Variants in ACD observed in about 807,000 individuals in gnomAD.
The protein encoded by ACD is adrenocortical dysplasia protein homolog.
Under a neutral mutation model 53.9 loss-of-function variants are expected in ACD, and 39 were observed. That is an observed-to-expected ratio of 0.72 (90% CI 0.56 to 0.95). The LOEUF (loss-of-function observed/expected upper bound fraction) is 0.95, where lower values mean the gene tolerates loss of function less well. Among genes scored for constraint, ACD ranks in the 40% least tolerant of loss-of-function variants. ACD has a pLI of 0.00. For missense variants in ACD, 526 were observed against 587.9 expected (o/e 0.89, Z 1.09); for synonymous variants, 273 against 249.2 (o/e 1.10, Z -0.90).
At position 67,660,150 on chromosome 16, in the gene ACD, G is replaced by A. The variant is rs771660128; in HGVS notation, c.71C>T (p.Ser24Phe). The A allele has an allele frequency of 2.5e-6, 4 of 1,612,584 alleles. No individual in the cohort carries two copies. In the African/African-American group the frequency reaches 5.3e-5, roughly 21 times the overall value. Residue 24 changes from serine (S) to phenylalanine (F), a missense_variant, in exon 1 of 12, where the codon TCC becomes TTC. Coordinates refer to ENST00000620761, the MANE Select transcript of ACD (RefSeq NM_001082486.2). ...RELILGSETP[S>F]SPRAGQLLEV... ...AAGCAGCTGCCCGGCTCGTGGACTG[G>A]AGGGTGTCTCTGACCCCAGAATCAG...
chr16:67,659,350 C>T (rs745340618), intron 5 of ACD, 25 bp downstream of exon 5: 3 of 1,614,076 alleles, frequency 1.9e-6, no homozygotes, highest in Non-Finnish European at 2.5e-6. Flanking sequence ...CAACACGTGG[C>T]CCCCGAGCCC....
In ACD at chr16:67,659,957, C is replaced by A; in HGVS notation, c.188G>T (p.Gly63Val). 6.2e-7 allele frequency: 1 copy of A among 1,608,618 alleles called. No homozygotes were observed. Among genetic ancestry groups the A allele is most frequent in the South Asian group, 1.1e-5 (1 of 90,888 alleles). The part of the protein sequence containing the change: ...DVGATLLVSD[G>V]THSVRCLVTR... ...CACCAGGCATCGGACACTGTGGGTC[C>A]CGTCAGACACAAGCAGCGTGGCCCC... The change falls in exon 2 of 12, where the codon GGG (glycine) becomes GTG (valine). Residue 63 changes from glycine (G) to valine (V), a missense_variant. Transcript: ENST00000620761.
rs757807430 is a variant in ACD, at chr16:67,658,756, T to A, written c.706A>T (p.Ile236Phe). 24 of 1,613,478 alleles carry A rather than the reference T, an allele frequency of 1.5e-5. No homozygotes were observed. The highest frequency in any genetic ancestry group is 1.7e-4 in the Middle Eastern group (1 of 6,060). The change falls in exon 8 of 12, where the codon ATT becomes TTT. Residue 236 changes from isoleucine to phenylalanine, a missense_variant. By Grantham distance (21) the Ile-to-Phe change is conservative. Transcript: ENST00000620761. ...MLCISENDQL[I>F]LSSLGPCQRT... ...TGACAGGGGCCTAGAGAGCTCAGAATTAGCTGGTCATTCTCAGAGATGCAC... is the reference window on the plus strand; with the variant it reads ...TGACAGGGGCCTAGAGAGCTCAGAAATAGCTGGTCATTCTCAGAGATGCAC...
In ACD at chr16:67,657,536, G is replaced by C. The variant is rs760014999; in HGVS notation, c.*70C>G. 1.2e-6 allele frequency: 2 copies of C among 1,613,368 alleles called. No homozygotes were observed. Among genetic ancestry groups the C allele is most frequent in the East Asian group, 2.2e-5 (1 of 44,868 alleles). Reference sequence around the variant, plus strand: ...ATCCCTGATCCTCTCCTCTCCTGCCGCATGAGATTATTTTATTAAAAAACT... The same window carrying C: ...ATCCCTGATCCTCTCCTCTCCTGCCCCATGAGATTATTTTATTAAAAAACT... On this transcript the variant is annotated 3_prime_UTR_variant, in exon 12 of 12. Transcript: ENST00000620761. This position sits in a 1 kb window ranked among gnomAD's most constrained non-coding sequence, Gnocchi z 4.5.
Position 67,658,148 on chromosome 16 carries a change from G to A in ACD, c.1044C>T (p.Leu348=). The A allele has an allele frequency of 6.2e-7, 1 of 1,604,604 alleles. No individual in the cohort carries two copies. The highest frequency in any genetic ancestry group is 8.5e-7 in the Non-Finnish European group (1 of 1,174,564). Residue 348 remains leucine (L), a synonymous_variant, in exon 10 of 12, where the codon CTC becomes CTT. Transcript: ENST00000620761. ...SSPLQSCTPS[L]SPRSHVPSPH... Reference sequence around the variant, plus strand: ...GACTGGGGACATGGCTACGGGGTGAGAGACTGGGAGTGCAGCTCTGGAGTG... The same window carrying A: ...GACTGGGGACATGGCTACGGGGTGAAAGACTGGGAGTGCAGCTCTGGAGTG...
At chr16:67,659,829 C>A in intron 2 of ACD, 34 bp from the exon 3 acceptor site, 2 of 1,590,486 alleles carry the variant, frequency 1.3e-6, no homozygotes, top group South Asian at 2.3e-5. Context: ...GCCGGGCCCA[C>A]CTGAACACAA....
chr16:67,660,084 C>T, intron 1 of ACD, 38 bp downstream of exon 1: 2 of 1,611,162 alleles, frequency 1.2e-6, no homozygotes, highest in Non-Finnish European at 1.7e-6. Flanking sequence ...CCACCCCGGG[C>T]CTCCGCCTCG....
At chr16:67,659,133 G>C in intron 6 of ACD, 54 bp from the exon 7 acceptor site, 1 of 1,608,672 alleles carries the variant, frequency 6.2e-7, no homozygotes, top group Non-Finnish European at 8.5e-7. Context: ...GGACCAGGAG[G>C]GTGAGGGGGA....
chr16:67,659,639 G>A (rs377328316), intron 3 of ACD, 26 bp from the exon 4 acceptor site: 41 of 1,612,868 alleles, frequency 2.5e-5, no homozygotes, highest in Non-Finnish European at 3.4e-5. Context: ...GGGAAGGGGG[G>A]GTCTCAGAAT....
Position 67,657,827 on chromosome 16 carries a change from A to G in ACD, c.1233T>C (p.Gly411=), listed in dbSNP as rs2052901324. 6.2e-7 allele frequency: 1 copy of G among 1,614,126 alleles called. No homozygotes were observed. ...VWEPPKRHRD[G]SAFQYEYEPP... ...GCTCATACTCATACTGGAAGGCAGA[A>G]CCATCACGATGCCTCTTTGGGGGTT... The change falls in exon 11 of 12, where the codon GGT becomes GGC. Residue 411 remains glycine (G), a synonymous_variant. Transcript: ENST00000620761. The surrounding 1 kb of genome is among the most constrained non-coding windows in gnomAD (Gnocchi z 4.5).
Position 67,657,840 on chromosome 16 carries a change from C to G in ACD, c.1220G>C (p.Arg407Thr), listed in dbSNP as rs1567639627. 6.2e-7 allele frequency: 1 copy of G among 1,614,110 alleles called. No individual in the cohort carries two copies. Residue 407 changes from arginine (R) to threonine (T), a missense_variant, in exon 11 of 12, where the codon AGG becomes ACG. Arg to Thr is a moderately conservative substitution (Grantham distance 71, BLOSUM62 -1). Transcript: ENST00000620761. This position sits in a 1 kb window ranked among gnomAD's most constrained non-coding sequence, Gnocchi z 4.5. ...EPCSVWEPPK[R>T]HRDGSAFQYE... ...CTGGAAGGCAGAACCATCACGATGC[C>G]TCTTTGGGGGTTCCTGAAAGGGGTA...
chr16:67,659,823 G>C (rs746919859), intron 2 of ACD, 28 bp from the exon 3 acceptor site: 3 of 1,593,552 alleles, frequency 1.9e-6, no homozygotes, highest in Non-Finnish European at 2.6e-6. Flanking sequence ...CTCACTGCCG[G>C]GCCCACCTGA....
chr16:67,658,811 T>G lies in ACD; in HGVS notation c.651A>C (p.Glu217Asp). Residue 217 changes from glutamate (E) to aspartate (D), a missense_variant, in exon 8 of 12, where the codon GAA becomes GAC. Glu to Asp is a conservative substitution (Grantham distance 45). Coordinates refer to ENST00000620761, the MANE Select transcript of ACD (RefSeq NM_001082486.2). ...TTGAGCTGGGGACAGTGTACACAGC[T>G]TCTCCCTGTGGGACATGAACTCTGT... ...WAASRCKATG[E>D]AVYTVPSSML... 2 of 1,611,114 alleles carry G rather than the reference T, an allele frequency of 1.2e-6. No homozygotes were observed. Among genetic ancestry groups the G allele is most frequent in the Non-Finnish European group, 8.5e-7 (1 of 1,177,838 alleles).
chr16:67,658,243 G>T lies in ACD; in HGVS notation c.949C>A (p.Pro317Thr). 6.2e-7 allele frequency: 1 copy of T among 1,613,608 alleles called. No individual in the cohort carries two copies. Among genetic ancestry groups the T allele is most frequent in the Non-Finnish European group, 8.5e-7 (1 of 1,180,010 alleles). Residue 317 changes from proline (P) to threonine (T), a missense_variant, in exon 10 of 12, where the codon CCA becomes ACA. Physicochemically the swap from Pro to Thr is conservative, Grantham distance 38 (BLOSUM62 -1). Transcript: ENST00000620761. ...GTGGCAGGGGCTGAGCAGATGGCTGGTGAGGGCTGGGAGCTGCTTCTCTGC... is the reference window on the plus strand; with the variant it reads ...GTGGCAGGGGCTGAGCAGATGGCTGTTGAGGGCTGGGAGCTGCTTCTCTGC... ...PGQRSSSQPS[P>T]AICSAPATLT...
Position 67,659,810 on chromosome 16 carries a change from A to T in ACD, c.243-15T>A. 6.3e-7 allele frequency: 1 copy of T among 1,599,092 alleles called. No homozygotes were observed. The highest frequency in any genetic ancestry group is 8.5e-7 in the Non-Finnish European group (1 of 1,170,056). ...CCTTCTCCTCCCTGCAACAAGCAGG[A>T]TCCTCACTGCCGGGCCCACCTGAAC... is the stretch of plus-strand genomic sequence containing the variant. On this transcript the variant is annotated splice_polypyrimidine_tract_variant and intron_variant, in intron 2 of 11. Transcript: ENST00000620761.
chr16:67,659,732 C>CCCGCAG lies in ACD; in HGVS notation c.300_305dup (p.Cys101_Gly102dup). ...CGCCCTCAGCGACCTGGACATGAACCCCGCAGTCCTGCAGCAGCAGCAGCC... is the reference window on the plus strand; with the variant it reads ...CGCCCTCAGCGACCTGGACATGAACCCCGCAGCCGCAGTCCTGCAGCAGCAGCAGCC... On this transcript the variant is annotated inframe_insertion, in exon 3 of 12. Coordinates refer to ENST00000620761, the MANE Select transcript of ACD (RefSeq NM_001082486.2). 3 of 1,613,376 alleles carry CCCGCAG rather than the reference C, an allele frequency of 1.9e-6. No individual in the cohort carries two copies.
intron 9 of ACD, 79 bp from the exon 10 acceptor site, chr16:67,658,441 T>C: frequency 2.5e-6 from 4 of 1,606,732 alleles, no homozygotes; most frequent in Non-Finnish European, 3.4e-6. Context: ...CAGACAGGAC[T>C]GCAGGGACCG....
rs772774457 is a variant in ACD, at chr16:67,660,064, G to A, written c.100-19C>T. ...GTAGTACCTGACGGCGGCGAGCGGC[G>A]TCAATCCCACCACCCCGGGCCTCCG... On this transcript the variant is annotated intron_variant, in intron 1 of 11. Coordinates refer to ENST00000620761, the MANE Select transcript of ACD (RefSeq NM_001082486.2). The A allele has an allele frequency of 2.3e-5, 37 of 1,609,352 alleles. No homozygotes were observed. In the South Asian group the frequency reaches 3.7e-4, roughly 16 times the overall value.
In ACD at chr16:67,658,644, G is replaced by A; in HGVS notation, c.743-3C>T. On this transcript the variant is annotated splice_region_variant and splice_polypyrimidine_tract_variant and intron_variant, in intron 8 of 11. Coordinates refer to ENST00000620761, the MANE Select transcript of ACD (RefSeq NM_001082486.2). ...GTCTGGTGGGGGCAGCTCAGGGCCT[G>A]GGGGGTTCAGGAAGTCTTATCAGCA... 4 of 1,579,208 alleles carry A rather than the reference G, an allele frequency of 2.5e-6. No homozygotes were observed. The highest frequency in any genetic ancestry group is 3.4e-6 in the Non-Finnish European group (4 of 1,160,474).
Sources: gnomAD v4.1 joint callset for allele counts on GRCh38, gnomAD v4.1.1 for gene constraint, Gnocchi (gnomAD v3.1) non-coding constraint, MANE v1.5 for transcripts, NCBI Gene and HGNC (gene_info 2026-07-23, HGNC 2026-07-21) for gene names.